The following GRM7 variants were observed in gnomAD, a reference collection of about 807,000 sequenced individuals.
GRM7 encodes the protein metabotropic glutamate receptor 7.
Under a neutral mutation model 84.5 loss-of-function variants are expected in GRM7, and 35 were observed. The observed-to-expected ratio is 0.41, with a 90% confidence interval of 0.32 to 0.55. The LOEUF is 0.55. Ranked by LOEUF, GRM7 falls within the 20% of genes least tolerant of loss-of-function variation. The pLI is 0.19. For synonymous variants in GRM7, 487 were observed against 455.1 expected (o/e 1.07, Z -0.89); for missense variants, 1,003 against 1,194.6 (o/e 0.84, Z 2.36).
At chr3:6,878,028 C>T (rs1695379072) in intron 1 of GRM7, among the ~76,000 whole-genome samples, 1 of 151,926 alleles carries the variant, frequency 6.6e-6, no homozygotes, top group Non-Finnish European at 1.5e-5. Flanking sequence ...CTTCCACCTT[C>T]CACAGCAAAA....
In GRM7 at chr3:7,013,145, A is replaced by C. The variant is rs73025899; in HGVS notation, c.520-133307A>C. ...ATCAACCCTACCATAAAAAAAAAAA[A>C]GTTCAGAAACAGTAAGAAAAAGAAA... On this transcript the variant is annotated intron_variant, in intron 1 of 9. Transcript: ENST00000357716. Among the ~76,000 whole-genome samples, 397 of 150,330 alleles carry C rather than the reference A, an allele frequency of 2.6e-3. 1 individual carries two copies. The highest frequency in any genetic ancestry group is 2.9e-3 in the Admixed American group (44 of 15,074).
At chr3:7,566,177 A>G (rs1040134221) in intron 7 of GRM7, among the ~76,000 whole-genome samples, 8 of 138,656 alleles carry the variant, frequency 5.8e-5, no homozygotes, top group African/African-American at 2.3e-4. Context: ...CTGGCTATGC[A>G]TTGCCAACTA....
intron 1 of GRM7, among the ~76,000 whole-genome samples, chr3:6,999,189 G>T (rs1694927940): frequency 6.6e-6 from 1 of 152,130 alleles, no homozygotes; most frequent in Non-Finnish European, 1.5e-5. Context: ...CTAGGGCAGG[G>T]GGAAAATGCT....
At chr3:7,005,953 T>G (rs568190751) in intron 1 of GRM7, among the ~76,000 whole-genome samples, 62 of 152,270 alleles carry the variant, frequency 4.1e-4, no homozygotes, top group African/African-American at 1.4e-3. Context: ...CTGTGTCATA[T>G]CCCTACTCAG....
intron 1 of GRM7, among the ~76,000 whole-genome samples, chr3:7,102,029 TA>T (rs1387545138): frequency 6.6e-6 from 1 of 151,586 alleles, no homozygotes; most frequent in African/African-American, 2.4e-5. Flanking sequence ...TTATGTATAT[TA>T]TACATCCCAT....
chr3:7,620,330 C>G (rs553407488), intron 8 of GRM7, among the ~76,000 whole-genome samples: 362 of 152,174 alleles, frequency 2.4e-3, no homozygotes, highest in Non-Finnish European at 3.6e-3. Context: ...ACTATTTTAT[C>G]TGGCAAATAA....
chr3:7,589,960 T>C (rs1559423910), intron 8 of GRM7, among the ~76,000 whole-genome samples: 1 of 151,996 alleles, frequency 6.6e-6, no homozygotes, highest in African/African-American at 2.4e-5. Flanking sequence ...CATACAGGTC[T>C]AAAAAAAACC....
chr3:7,251,567 A>G (rs934844123), intron 2 of GRM7, among the ~76,000 whole-genome samples: 3 of 152,178 alleles, frequency 2.0e-5, no homozygotes, highest in African/African-American at 7.2e-5. Flanking sequence ...TTAAAGTACT[A>G]TGTTGGGCTA....
intron 9 of GRM7, among the ~76,000 whole-genome samples, chr3:7,705,355 T>G (rs1440540824): frequency 6.6e-6 from 1 of 152,126 alleles, no homozygotes; most frequent in Non-Finnish European, 1.5e-5. Flanking sequence ...ACAATCATTA[T>G]CTAAACAAAG....
Position 7,146,493 on chromosome 3 carries a change from T to C in GRM7, c.561T>C (p.Ser187=), listed in dbSNP as rs35106713. ...ATGCATCAACGGCACCCGAGCTAAG[T>C]GATGACCGGCGCTATGACTTCTTCT... is the stretch of plus-strand genomic sequence containing the variant. ...ISYASTAPEL[S]DDRRYDFFSR... Residue 187 remains serine (S), a synonymous_variant, in exon 2 of 10, where the codon AGT becomes AGC. Coordinates refer to ENST00000357716, the MANE Select transcript of GRM7 (RefSeq NM_000844.4). The C allele has an allele frequency of 9.6e-3, 15,513 of 1,613,844 alleles. 125 individuals carry two copies. Among genetic ancestry groups the C allele is most frequent in the Middle Eastern group, 0.014 (83 of 5,954 alleles).
intron 9 of GRM7, chr3:7,680,702 A>G (rs1700331210): frequency 5.5e-6 from 1 of 181,626 alleles, no homozygotes; most frequent in Non-Finnish European, 1.2e-5. Flanking sequence ...TTTGGAAGCG[A>G]AACTTTTTTC....
chr3:7,540,210 C>T (rs1321569714), intron 7 of GRM7, among the ~76,000 whole-genome samples: 1 of 151,902 alleles, frequency 6.6e-6, no homozygotes, highest in African/African-American at 2.4e-5. Context: ...ACCAGATGAC[C>T]CAGCAACTCC....
intron 1 of GRM7, among the ~76,000 whole-genome samples, chr3:6,965,237 C>T (rs567507817): frequency 2.9e-4 from 44 of 152,300 alleles, no homozygotes; most frequent in African/African-American, 1.0e-3. Context: ...TGTTCAAGAA[C>T]AATCCAGTCT....
intron 1 of GRM7, among the ~76,000 whole-genome samples, chr3:7,087,067 C>A (rs971890062): frequency 1.3e-5 from 2 of 152,090 alleles, no homozygotes; most frequent in Admixed American, 6.6e-5. Flanking sequence ...TAAAAATAAA[C>A]AGAAGAAAGT....
At chr3:7,264,965 A>G (rs111235021) in intron 2 of GRM7, among the ~76,000 whole-genome samples, 22 of 152,340 alleles carry the variant, frequency 1.4e-4, no homozygotes, top group African/African-American at 5.3e-4. Flanking sequence ...TTGGACCTAT[A>G]TGCATCTTTC....
chr3:7,516,234 A>G (rs1316571410), intron 7 of GRM7, among the ~76,000 whole-genome samples: 2 of 150,236 alleles, frequency 1.3e-5, no homozygotes, highest in African/African-American at 4.9e-5. Context: ...CACTTCGGGA[A>G]GCCGAAGCCG....
intron 4 of GRM7, among the ~76,000 whole-genome samples, chr3:7,317,764 A>C (rs1700634600): frequency 6.6e-6 from 1 of 151,274 alleles, no homozygotes; most frequent in South Asian, 2.1e-4. Flanking sequence ...CTGATTTTCT[A>C]CAAAAAAAAA....
chr3:7,657,804 A>G (rs1426239521), intron 8 of GRM7, among the ~76,000 whole-genome samples: 1 of 152,212 alleles, frequency 6.6e-6, no homozygotes, highest in Non-Finnish European at 1.5e-5. Flanking sequence ...GAAAGTCAAG[A>G]AAATGTGACC....
chr3:6,930,768 A>G (rs964842451), intron 1 of GRM7, among the ~76,000 whole-genome samples: 1 of 152,206 alleles, frequency 6.6e-6, no homozygotes, highest in African/African-American at 2.4e-5. Flanking sequence ...CAAGATGTCA[A>G]TTTCCAGCAG....
Sources: gnomAD v4.1 joint callset for allele counts (sites outside exome capture counted in the v4.1 genomes callset) on GRCh38, gnomAD v4.1.1 for gene constraint, MANE v1.5 for transcripts, NCBI Gene and HGNC (gene_info 2026-07-23, HGNC 2026-07-21) for gene names.